The following DAPK1 variants were observed in gnomAD, a reference collection of about 807,000 sequenced individuals.
DAPK1 encodes the protein death associated protein kinase 1, also known as death-associated protein kinase 1.
DAPK1 carries 56 observed loss-of-function variants against 144.9 expected under a neutral mutation model. The observed-to-expected ratio is 0.39, with a 90% CI of 0.31 to 0.48. The LOEUF (loss-of-function observed/expected upper bound fraction) is 0.48, where lower values mean the gene tolerates loss of function less well. Among genes scored for constraint, DAPK1 ranks in the 20% least tolerant of loss-of-function variants. The pLI, the probability that DAPK1 is intolerant of heterozygous loss-of-function variation, is 0.95. For missense variants in DAPK1, 1,454 were observed against 1,875.4 expected (o/e 0.78, Z 4.15); for synonymous variants, 690 against 749.0 (o/e 0.92, Z 1.29).
chr9:87,675,839 A>G lies in DAPK1; in HGVS notation c.2002-5565A>G, dbSNP rs932192564. Among the ~76,000 whole-genome samples, 4 of 139,122 alleles carry G rather than the reference A, an allele frequency of 2.9e-5. No homozygotes were observed. The Admixed American group carries it at 3.0e-4, about 11-fold the overall frequency. 91.3% of individuals were successfully genotyped at this position (139,122 alleles called of 152,430 possible). ...GATTAGAGCTAATACAGGTAAATAC[A>G]TTCTACCCTACACACACACACACAC... On this transcript the variant is annotated intron_variant, in intron 19 of 25. Transcript: ENST00000408954.
At position 87,698,657 on chromosome 9, in the gene DAPK1, C is replaced by A; in HGVS notation, c.2613C>A (p.Ala871=). Residue 871 remains alanine, a splice_region_variant and synonymous_variant, in exon 23 of 26, where the codon GCC becomes GCA. Transcript: ENST00000408954. ...KSLVPVEEPI[A]FGGKLKNPLQ... The stretch of plus-strand genomic sequence containing the variant: ...AAGCAGTTCCCTCTCTGCCCCCAGC[C>A]TTCGGTGGCAAGCTGAAGAACCCAC... The A allele has an allele frequency of 6.2e-7, 1 of 1,602,520 alleles. No individual in the cohort carries two copies. Among genetic ancestry groups the A allele is most frequent in the Non-Finnish European group, 8.5e-7 (1 of 1,169,910 alleles).
intron 2 of DAPK1, among the ~76,000 whole-genome samples, chr9:87,596,575 C>A (rs3124236): frequency 0.77 from 116,408 of 152,056 alleles, 45,957 homozygotes; most frequent in Non-Finnish European, 0.86. Flanking sequence ...TGAGTCCATG[C>A]GTGCTGATGG....
intron 2 of DAPK1, among the ~76,000 whole-genome samples, chr9:87,517,447 C>G (rs1358982731): frequency 6.6e-6 from 1 of 152,116 alleles, no homozygotes; most frequent in Non-Finnish European, 1.5e-5. Context: ...TCTCCCCCAC[C>G]TCTCTCTCTG....
chr9:87,604,651 C>G (rs1362376662), intron 2 of DAPK1, among the ~76,000 whole-genome samples: 2 of 152,072 alleles, frequency 1.3e-5, no homozygotes, highest in Non-Finnish European at 2.9e-5. Context: ...GATCACAGAG[C>G]TCCTTGCTGC....
intron 21 of DAPK1, among the ~76,000 whole-genome samples, chr9:87,691,943 A>G (rs1825069348): frequency 6.6e-6 from 1 of 152,106 alleles, no homozygotes; most frequent in African/African-American, 2.4e-5. Context: ...CTGATGAGAA[A>G]ATGCGTATTC....
chr9:87,692,997 T>TTTTTTTTTTTTTTTTTTTTTTTC (rs1424586426), intron 21 of DAPK1, among the ~76,000 whole-genome samples: 2 of 132,024 alleles, frequency 1.5e-5, no homozygotes, highest in Non-Finnish European at 1.6e-5. Flanking sequence ...TTTTTCTGTT[T>TTTTTTTTTTTTTTTTTTTTTTTC]TCAGACTTCC....
At chr9:87,649,176 G>A (rs1830362153) in intron 15 of DAPK1, among the ~76,000 whole-genome samples, 1 of 152,140 alleles carries the variant, frequency 6.6e-6, no homozygotes, top group African/African-American at 2.4e-5. Context: ...ATTGAGACAG[G>A]GAAAGTTTCT....
In DAPK1 at chr9:87,571,466, CACACACA is replaced by C. The variant is rs1564000748; in HGVS notation, c.63-33487_63-33481del. 1.8e-3 allele frequency among the ~76,000 whole-genome samples: 108 copies of C among 60,468 alleles called. 1 individual carries two copies. The highest frequency in any genetic ancestry group is 8.0e-3 in the African/African-American group (94 of 11,804). The allele number at this position is 60,468 out of a possible 152,430, so 39.7% of individuals were successfully genotyped here. ...ACACACACACACACACACACACACA[CACACACA>C]CCAACACACACACACACACACCCCA... is the stretch of plus-strand genomic sequence containing the variant. On this transcript the variant is annotated intron_variant, in intron 2 of 25. Coordinates refer to ENST00000408954, the MANE Select transcript of DAPK1 (RefSeq NM_004938.4).
intron 19 of DAPK1, among the ~76,000 whole-genome samples, chr9:87,674,090 T>A (rs1406677186): frequency 1.3e-5 from 2 of 152,230 alleles, no homozygotes; most frequent in Non-Finnish European, 2.9e-5. Context: ...TTTACTATAA[T>A]CACTGCAAGT....
intron 1 of DAPK1, 79 bp from the exon 2 acceptor site, chr9:87,498,891 G>A (rs970717026): frequency 4.6e-5 from 25 of 541,510 alleles, no homozygotes; most frequent in African/African-American, 4.5e-4. Flanking sequence ...AGCGAGCGGG[G>A]TCTTAGCGCC....
intron 2 of DAPK1, among the ~76,000 whole-genome samples, chr9:87,510,855 A>G (rs916555387): frequency 1.3e-5 from 2 of 151,918 alleles, no homozygotes; most frequent in Non-Finnish European, 2.9e-5. Flanking sequence ...AAATGGGGAT[A>G]GTCATCACGG....
At chr9:87,578,546 G>A (rs745697664) in intron 2 of DAPK1, among the ~76,000 whole-genome samples, 5 of 152,166 alleles carry the variant, frequency 3.3e-5, no homozygotes, top group Non-Finnish European at 7.4e-5. Flanking sequence ...AAAGGTTCTC[G>A]TTACATGGAG....
chr9:87,643,927 C>T (rs945613014), intron 11 of DAPK1, among the ~76,000 whole-genome samples: 3 of 152,138 alleles, frequency 2.0e-5, no homozygotes, highest in African/African-American at 7.2e-5. Context: ...GGGCAGACAG[C>T]CGCCACTCCC....
chr9:87,553,287 G>A (rs1281552705), intron 2 of DAPK1, among the ~76,000 whole-genome samples: 3 of 151,912 alleles, frequency 2.0e-5, no homozygotes, highest in Non-Finnish European at 4.4e-5. Context: ...CTACACAGCA[G>A]TCTTTCTGCC....
At chr9:87,702,566 C>T (rs1406420382) in intron 24 of DAPK1, among the ~76,000 whole-genome samples, 1 of 152,096 alleles carries the variant, frequency 6.6e-6, no homozygotes, top group Non-Finnish European at 1.5e-5. Flanking sequence ...GGGAGTGAAA[C>T]ATTAGGAGTT....
chr9:87,513,364 T>G (rs1037005227), intron 2 of DAPK1, among the ~76,000 whole-genome samples: 4 of 152,164 alleles, frequency 2.6e-5, no homozygotes, highest in South Asian at 2.1e-4. Flanking sequence ...GGAAAAATGT[T>G]TTTTGGAGTT....
chr9:87,517,839 C>T (rs140598727), intron 2 of DAPK1, among the ~76,000 whole-genome samples: 1 of 152,244 alleles, frequency 6.6e-6, no homozygotes, highest in African/African-American at 2.4e-5. Flanking sequence ...TCTATTGGTA[C>T]TTATTACCAT....
chr9:87,537,888 G>A (rs1329274255), intron 2 of DAPK1, among the ~76,000 whole-genome samples: 2 of 152,124 alleles, frequency 1.3e-5, no homozygotes, highest in Admixed American at 6.5e-5. Flanking sequence ...CGAGGCAAGC[G>A]GGGGTTTGAG....
chr9:87,508,630 C>G (rs1454206683), intron 2 of DAPK1, among the ~76,000 whole-genome samples: 1 of 152,172 alleles, frequency 6.6e-6, no homozygotes, highest in African/African-American at 2.4e-5. Flanking sequence ...GCGTGAGCCA[C>G]CGTGCCCGGC....
Sources: allele counts gnomAD v4.1 joint callset (sites outside exome capture counted in the v4.1 genomes callset), GRCh38; gene constraint gnomAD v4.1.1; transcripts MANE v1.5; gene names NCBI Gene and HGNC (gene_info 2026-07-23, HGNC 2026-07-21).